Variants in MARCHF3 observed in about 807,000 individuals in gnomAD.
MARCHF3 encodes membrane associated ring-CH-type finger 3.
A neutral mutation model predicts 24.2 loss-of-function variants in MARCHF3; 13 were observed. The ratio of observed to expected loss-of-function variants is 0.54; its 90% CI spans 0.35 to 0.85. MARCHF3 has a LOEUF of 0.85. Ranked by LOEUF, MARCHF3 falls within the 40% of genes least tolerant of loss-of-function variation. The probability of loss-of-function intolerance (pLI) is 0.01; values close to 1 mark genes in which losing one functional copy is unlikely to be tolerated. For missense variants in MARCHF3, 276 were observed against 325.0 expected (o/e 0.85, Z 1.16); for synonymous variants, 144 against 137.3 (o/e 1.05, Z -0.34).
intron 1 of MARCHF3, among the ~76,000 whole-genome samples, chr5:126,976,894 T>C (rs1389630698): frequency 3.3e-5 from 5 of 152,314 alleles, no homozygotes; most frequent in African/African-American, 1.2e-4. Flanking sequence ...CTGGTTTACA[T>C]CCACCGATCC....
At chr5:127,014,597 A>C (rs1752575433) in intron 1 of MARCHF3, among the ~76,000 whole-genome samples, 1 of 152,248 alleles carries the variant, frequency 6.6e-6, no homozygotes, top group African/African-American at 2.4e-5. Flanking sequence ...AATGTGGTAT[A>C]TATACACAAT....
intron 3 of MARCHF3, among the ~76,000 whole-genome samples, chr5:126,895,196 C>T (rs1485591870): frequency 4.6e-5 from 7 of 152,038 alleles, no homozygotes; most frequent in South Asian, 2.1e-4. Context: ...TTGGTTATTC[C>T]TGTTATACAT....
At chr5:126,995,946 C>A (rs116163309) in intron 1 of MARCHF3, among the ~76,000 whole-genome samples, 2,133 of 152,234 alleles carry the variant, frequency 0.014, 49 homozygotes, top group African/African-American at 0.049. Context: ...GAAATTGGAA[C>A]AATCTGGGAA....
At chr5:126,936,070 G>A (rs73337225) in intron 1 of MARCHF3, among the ~76,000 whole-genome samples, 14,017 of 152,106 alleles carry the variant, frequency 0.092, 1,435 homozygotes, top group African/African-American at 0.25. Flanking sequence ...GCTACACACC[G>A]AAAGAGTGTT....
At chr5:126,904,021 T>A (rs925010074) in intron 3 of MARCHF3, among the ~76,000 whole-genome samples, 14 of 145,592 alleles carry the variant, frequency 9.6e-5, no homozygotes, top group Non-Finnish European at 1.3e-4. Context: ...TGTCCATGTG[T>A]TCACATTGTT....
rs147373632 is a variant in MARCHF3 at position 126,940,396 on chromosome 5, T to C, written c.-56-22169A>G. On this transcript the variant is annotated intron_variant, in intron 1 of 4. Coordinates refer to ENST00000308660, the MANE Select transcript of MARCHF3 (RefSeq NM_178450.5). The stretch of plus-strand genomic sequence containing the variant: ...TGCTAAACAATGAGAAATATTTTTA[T>C]GCTAGATGGCCATTACAGTTGCAGT... Among the ~76,000 whole-genome samples the C allele has an allele frequency of 4.6e-3, 698 of 152,356 alleles. 4 individuals carry two copies. The highest frequency in any genetic ancestry group is 0.034 in the Middle Eastern group (10 of 294).
At chr5:126,888,746 G>T (rs1753578465) in intron 3 of MARCHF3, among the ~76,000 whole-genome samples, 1 of 152,106 alleles carries the variant, frequency 6.6e-6, no homozygotes, top group African/African-American at 2.4e-5. Context: ...TTTATTTTGG[G>T]AACAATAAAT....
rs115187687 is a variant in MARCHF3, at chr5:126,920,833, A to C, written c.-56-2606T>G. On this transcript the variant is annotated intron_variant, in intron 1 of 4. Transcript: ENST00000308660. ...ATATTCTAGAAGCAGAGCTTCCCTTAAATTCATTTTATATATGTAATTTCA... is the reference window on the plus strand; with the variant it reads ...ATATTCTAGAAGCAGAGCTTCCCTTCAATTCATTTTATATATGTAATTTCA... Among the ~76,000 whole-genome samples, 161 of 152,250 alleles carry C rather than the reference A, an allele frequency of 1.1e-3. 1 individual carries two copies. The highest frequency in any genetic ancestry group is 3.7e-3 in the African/African-American group (154 of 41,532).
At chr5:126,894,738 A>G (rs571890950) in intron 3 of MARCHF3, among the ~76,000 whole-genome samples, 1 of 151,876 alleles carries the variant, frequency 6.6e-6, no homozygotes, top group South Asian at 2.1e-4. Context: ...CTTCATTTCA[A>G]CTTTGGTGAA....
intron 3 of MARCHF3, among the ~76,000 whole-genome samples, chr5:126,881,670 C>T (rs1753345659): frequency 6.6e-6 from 1 of 151,670 alleles, no homozygotes; most frequent in African/African-American, 2.4e-5. Context: ...TAGTATGATC[C>T]TATATATGTA....
rs1753341888 is a variant in MARCHF3 at position 126,881,554 on chromosome 5, C to T, written c.394-3160G>A. On this transcript the variant is annotated intron_variant, in intron 3 of 4. Transcript: ENST00000308660. Reference sequence around the variant, plus strand: ...TAAATAAATTATGGAATTTACTTAACATAGAATACCATACATTAATAGCAA... The same window carrying T: ...TAAATAAATTATGGAATTTACTTAATATAGAATACCATACATTAATAGCAA... Among the ~76,000 whole-genome samples the T allele has an allele frequency of 2.0e-5, 3 of 152,206 alleles. No individual in the cohort carries two copies. The South Asian group carries it at 6.2e-4, about 32-fold the overall frequency.
chr5:126,928,334 C>T (rs1462736235), intron 1 of MARCHF3, among the ~76,000 whole-genome samples: 4 of 152,206 alleles, frequency 2.6e-5, no homozygotes, highest in Non-Finnish European at 4.4e-5. Context: ...CAGCTAAGAT[C>T]AGCATTAACT....
rs78512731 is a variant in MARCHF3, at chr5:126,954,786, C to T, written c.-56-36559G>A. ...GTCATTTGTACTTCAGATGAATTTT[C>T]TTATTAAAAGAAATAAGGCCACAGA... is the stretch of plus-strand genomic sequence containing the variant. On this transcript the variant is annotated intron_variant, in intron 1 of 4. Coordinates refer to ENST00000308660, the MANE Select transcript of MARCHF3 (RefSeq NM_178450.5). Among the ~76,000 whole-genome samples the T allele has an allele frequency of 9.0e-3, 1,346 of 149,238 alleles. 19 individuals are homozygous for T. The highest frequency in any genetic ancestry group is 0.026 in the East Asian group (132 of 5,076).
chr5:126,874,641 T>C (rs1383048628), intron 4 of MARCHF3, among the ~76,000 whole-genome samples: 1 of 152,022 alleles, frequency 6.6e-6, no homozygotes, highest in Non-Finnish European at 1.5e-5. Flanking sequence ...TTACATATTT[T>C]GATTTTGCCC....
At chr5:126,964,422 C>A (rs1278766549) in intron 1 of MARCHF3, among the ~76,000 whole-genome samples, 2 of 152,120 alleles carry the variant, frequency 1.3e-5, no homozygotes, top group Non-Finnish European at 2.9e-5. Flanking sequence ...TCTCCAGATT[C>A]AGTACTTGGG....
At position 127,019,040 on chromosome 5, in the gene MARCHF3, TAAGA is replaced by T. The variant is rs1430976707; in HGVS notation, c.-57+11306_-57+11309del. ...TAATATGCCAGAAATATAGAATTATTAAGAAATAAGCAAATTATTTTAATCTTTT... is the reference window on the plus strand; with the variant it reads ...TAATATGCCAGAAATATAGAATTATTAATAAGCAAATTATTTTAATCTTTT... On this transcript the variant is annotated intron_variant, in intron 1 of 4. Transcript: ENST00000308660. Among the ~76,000 whole-genome samples, 6 of 152,234 alleles carry T rather than the reference TAAGA, an allele frequency of 3.9e-5. No individual in the cohort carries two copies. The East Asian group carries it at 1.2e-3, about 29-fold the overall frequency.
intron 1 of MARCHF3, among the ~76,000 whole-genome samples, chr5:126,925,796 C>T (rs1262925059): frequency 2.0e-5 from 3 of 152,262 alleles, no homozygotes; most frequent in African/African-American, 7.2e-5. Context: ...GCAGGCAAAA[C>T]ATAATGAGAC....
At chr5:126,960,232 C>T (rs578243649) in intron 1 of MARCHF3, among the ~76,000 whole-genome samples, 1 of 152,174 alleles carries the variant, frequency 6.6e-6, no homozygotes, top group Admixed American at 6.5e-5. Flanking sequence ...ATAAGTGGTG[C>T]CATTCACCTA....
chr5:126,927,737 T>G (rs1187702697), intron 1 of MARCHF3, among the ~76,000 whole-genome samples: 1 of 152,188 alleles, frequency 6.6e-6, no homozygotes, highest in Non-Finnish European at 1.5e-5. Flanking sequence ...GAACATCCCC[T>G]TAAGTCACTT....
Sources: allele counts gnomAD v4.1 joint callset (sites outside exome capture counted in the v4.1 genomes callset), GRCh38; gene constraint gnomAD v4.1.1; transcripts MANE v1.5; gene names NCBI Gene and HGNC (gene_info 2026-07-23, HGNC 2026-07-21).